Variants in PARP15 observed in about 807,000 individuals in gnomAD.
The protein encoded by PARP15 is poly(ADP-ribose) polymerase family member 15, also known as protein mono-ADP-ribosyltransferase PARP15.
In PARP15, 50 loss-of-function variants were observed where a neutral mutation model predicts 62.1. The observed-to-expected ratio is 0.81, with a 90% CI of 0.64 to 1.02. The LOEUF (loss-of-function observed/expected upper bound fraction) is 1.02, where lower values mean the gene tolerates loss of function less well. Ranked by LOEUF, PARP15 falls within the 50% of genes least tolerant of loss-of-function variation. The pLI, the probability that PARP15 is intolerant of heterozygous loss-of-function variation, is 0.00. For synonymous variants in PARP15, 309 were observed against 293.1 expected (o/e 1.05, Z -0.55); for missense variants, 820 against 826.5 (o/e 0.99, Z 0.10).
intron 8 of PARP15, among the ~76,000 whole-genome samples, chr3:122,623,308 T>C (rs903113092): frequency 2.0e-5 from 3 of 151,880 alleles, no homozygotes; most frequent in African/African-American, 7.3e-5. Context: ...GCAAACAGAG[T>C]GGAGTAAGCT....
At chr3:122,615,911 C>A in intron 5 of PARP15, 54 bp downstream of exon 5, 1 of 1,519,842 alleles carries the variant, frequency 6.6e-7, no homozygotes, top group South Asian at 1.2e-5. Context: ...AGCAACTCTT[C>A]AGTGGTAGTT....
intron 8 of PARP15, among the ~76,000 whole-genome samples, chr3:122,625,621 A>G (rs921514834): frequency 2.0e-5 from 3 of 152,188 alleles, no homozygotes; most frequent in Non-Finnish European, 4.4e-5. Flanking sequence ...TAATATGACT[A>G]ATGTCCTTAT....
In PARP15 at chr3:122,636,584, G is replaced by T. The variant is rs1937386414; in HGVS notation, c.*484G>T. On this transcript the variant is annotated 3_prime_UTR_variant, in exon 12 of 12. Transcript: ENST00000464300. ...GTTCAGCTGAAATGACTGAATCACAGAATATTAACTCTGTTATGGAACAAA... is the reference window on the plus strand; with the variant it reads ...GTTCAGCTGAAATGACTGAATCACATAATATTAACTCTGTTATGGAACAAA... 6.3e-6 allele frequency: 1 copy of T among 158,692 alleles called. No homozygotes were observed. Among genetic ancestry groups the T allele is most frequent in the African/African-American group, 2.4e-5 (1 of 41,514 alleles). The allele number at this position is 158,692 out of a possible 1,614,324, so 9.8% of individuals were successfully genotyped here.
chr3:122,615,002 C>T, intron 4 of PARP15: 1 of 898,440 alleles, frequency 1.1e-6, no homozygotes, highest in Non-Finnish European at 1.3e-6. Flanking sequence ...TGCACTCCAG[C>T]CTGGGCAACA....
At chr3:122,615,682 T>C (rs765069463) in intron 4 of PARP15, 97 bp from the exon 5 acceptor site, 44 of 1,595,084 alleles carry the variant, frequency 2.8e-5, no homozygotes, top group Non-Finnish European at 3.6e-5. Flanking sequence ...AGAACTATTG[T>C]TATCAACTCT....
chr3:122,606,216 A>G (rs538188715), intron 2 of PARP15, among the ~76,000 whole-genome samples, 161 bp downstream of exon 2: 1 of 152,368 alleles, frequency 6.6e-6, no homozygotes, highest in Non-Finnish European at 1.5e-5. Flanking sequence ...TTATGCAGAT[A>G]TATACTTACC....
intron 1 of PARP15, among the ~76,000 whole-genome samples, chr3:122,580,216 T>C (rs1293998185): frequency 6.6e-6 from 1 of 151,746 alleles, no homozygotes; most frequent in Non-Finnish European, 1.5e-5. Context: ...ACTGATTTTA[T>C]GTCTACTTGT....
chr3:122,622,520 C>G (rs1936415486), intron 8 of PARP15, among the ~76,000 whole-genome samples: 1 of 152,178 alleles, frequency 6.6e-6, no homozygotes, highest in Non-Finnish European at 1.5e-5. Context: ...TGTTTCCAAA[C>G]TCTTCAGACC....
chr3:122,613,583 G>C (rs1935727903), intron 4 of PARP15, among the ~76,000 whole-genome samples: 1 of 152,162 alleles, frequency 6.6e-6, no homozygotes, highest in Non-Finnish European at 1.5e-5. Context: ...TATGGGGAAA[G>C]GGCAGAATGA....
intron 6 of PARP15, among the ~76,000 whole-genome samples, chr3:122,618,027 C>A (rs1936101873): frequency 6.6e-6 from 1 of 152,180 alleles, no homozygotes; most frequent in Non-Finnish European, 1.5e-5. Flanking sequence ...CCACCATGCC[C>A]AGCCCTCTTA....
At chr3:122,610,763 G>C in intron 3 of PARP15, 33 bp downstream of exon 3, 1 of 1,460,690 alleles carries the variant, frequency 6.8e-7, no homozygotes, top group Non-Finnish European at 9.1e-7. Flanking sequence ...CAACGTATTG[G>C]GTGGCTTTGG....
intron 1 of PARP15, among the ~76,000 whole-genome samples, chr3:122,599,403 A>G (rs1458963965): frequency 6.6e-6 from 1 of 151,788 alleles, no homozygotes; most frequent in Admixed American, 6.6e-5. Context: ...AAATGTATAG[A>G]TCTAAATCCT....
intron 2 of PARP15, among the ~76,000 whole-genome samples, chr3:122,607,011 G>GT (rs5852306): frequency 0.21 from 31,557 of 152,120 alleles, 6,544 homozygotes; most frequent in African/African-American, 0.54. Flanking sequence ...GTTCTCTAGA[G>GT]TTTTAGAGTC....
intron 10 of PARP15, among the ~76,000 whole-genome samples, chr3:122,634,096 T>G (rs1937213989): frequency 6.6e-6 from 1 of 152,194 alleles, no homozygotes; most frequent in African/African-American, 2.4e-5. Context: ...ATGGCTTGGA[T>G]TCTCCTCAAC....
At chr3:122,605,164 A>G (rs1397081413) in intron 1 of PARP15, among the ~76,000 whole-genome samples, 2 of 151,986 alleles carry the variant, frequency 1.3e-5, no homozygotes, top group East Asian at 3.9e-4. Context: ...TTGCTGCTGT[A>G]TTTTTATACC....
chr3:122,616,896 G>C (rs56122337), intron 5 of PARP15, 119 bp from the exon 6 acceptor site: 2 of 1,125,832 alleles, frequency 1.8e-6, no homozygotes, highest in Non-Finnish European at 2.5e-6. Flanking sequence ...GCAATATTTC[G>C]GTTTATGTTG....
At chr3:122,628,145 C>T (rs1936848251) in intron 9 of PARP15, among the ~76,000 whole-genome samples, 1 of 152,220 alleles carries the variant, frequency 6.6e-6, no homozygotes, top group South Asian at 2.1e-4. Flanking sequence ...TCCTTCCATA[C>T]TCAGTTTCAA....
chr3:122,592,176 A>T (rs537832689), intron 1 of PARP15, among the ~76,000 whole-genome samples: 3 of 152,244 alleles, frequency 2.0e-5, no homozygotes, highest in Non-Finnish European at 4.4e-5. Flanking sequence ...AATAGCAAAG[A>T]CATGGAATCA....
In PARP15 at chr3:122,635,974, C is replaced by G. The variant is rs1937344504; in HGVS notation, c.1911C>G (p.Pro637=). ...KGRAGLVTPP[P]KNPHNPTDLF... ...GTGCAGGATTAGTCACCCCTCCACCCAAGAATCCTCACAATCCCACAGATC... is the reference window on the plus strand; with the variant it reads ...GTGCAGGATTAGTCACCCCTCCACCGAAGAATCCTCACAATCCCACAGATC... Residue 637 remains proline (P), a synonymous_variant, in exon 12 of 12, where the codon CCC becomes CCG. Transcript: ENST00000464300. 1.9e-6 allele frequency: 3 copies of G among 1,614,082 alleles called. No individual in the cohort carries two copies. The highest frequency in any genetic ancestry group is 2.5e-6 in the Non-Finnish European group (3 of 1,180,000).
Sources: gnomAD v4.1 joint callset for allele counts (sites outside exome capture counted in the v4.1 genomes callset) on GRCh38, gnomAD v4.1.1 for gene constraint, MANE v1.5 for transcripts, NCBI Gene and HGNC (gene_info 2026-07-23, HGNC 2026-07-21) for gene names.